PLPP1: variants seen among roughly 807,000 people sequenced by gnomAD.
The protein encoded by PLPP1 is phospholipid phosphatase 1.
In PLPP1, 24 loss-of-function variants were observed where a neutral mutation model predicts 31.2. That is an observed-to-expected ratio of 0.77 (90% CI 0.56 to 1.08). The LOEUF (loss-of-function observed/expected upper bound fraction) is 1.08, where lower values mean the gene tolerates loss of function less well. PLPP1 is among the 50% of genes least tolerant of loss of function. The pLI is 0.00. For missense variants in PLPP1, 319 were observed against 342.7 expected (o/e 0.93, Z 0.55); for synonymous variants, 146 against 126.3 (o/e 1.16, Z -1.05).
intron 1 of PLPP1, among the ~76,000 whole-genome samples, chr5:55,518,998 C>A (rs1214467487): frequency 6.6e-6 from 1 of 151,992 alleles, no homozygotes; most frequent in East Asian, 1.9e-4. Context: ...ATAAAGGGTT[C>A]AAACTAATTG....
At chr5:55,514,638 T>C (rs75567174) in intron 1 of PLPP1, among the ~76,000 whole-genome samples, 17,710 of 152,246 alleles carry the variant, frequency 0.12, 1,084 homozygotes, top group Middle Eastern at 0.16. Flanking sequence ...CAAATTGGCA[T>C]ATCTAAATTA....
intron 4 of PLPP1, among the ~76,000 whole-genome samples, chr5:55,427,636 C>A (rs230745): frequency 6.6e-6 from 1 of 152,052 alleles, no homozygotes; most frequent in Non-Finnish European, 1.5e-5. Context: ...CCATTCTAAA[C>A]AACCCTGACT....
At chr5:55,449,695 C>T (rs1412061819) in intron 3 of PLPP1, among the ~76,000 whole-genome samples, 1 of 151,814 alleles carries the variant, frequency 6.6e-6, no homozygotes, top group Non-Finnish European at 1.5e-5. Flanking sequence ...AGTCAAATTA[C>T]AACATGAGGC....
intron 3 of PLPP1, among the ~76,000 whole-genome samples, chr5:55,447,401 A>G (rs990167917): frequency 2.0e-5 from 3 of 152,218 alleles, no homozygotes; most frequent in Non-Finnish European, 4.4e-5. Context: ...TCCCCTAAAA[A>G]TCATCCTGAA....
chr5:55,443,192 A>AAATATATATATATATATATATAT, intron 3 of PLPP1, among the ~76,000 whole-genome samples: 1 of 25,416 alleles, frequency 3.9e-5, no homozygotes, highest in African/African-American at 1.1e-4. Context: ...AAAAAAAAAA[A>AAATATATATATATATATATATAT]ATATATATAT....
chr5:55,445,535 C>CTTTT (rs753276317), intron 3 of PLPP1, among the ~76,000 whole-genome samples: 1 of 79,622 alleles, frequency 1.3e-5, no homozygotes, highest in Non-Finnish European at 2.3e-5. Flanking sequence ...TGCATTCACT[C>CTTTT]TTTTTTTTTT....
intron 4 of PLPP1, among the ~76,000 whole-genome samples, chr5:55,436,463 C>T (rs1193178990): frequency 1.3e-5 from 2 of 152,184 alleles, no homozygotes; most frequent in Admixed American, 6.5e-5. Flanking sequence ...TCTTGCCTTC[C>T]GCCATGCTTG....
At chr5:55,530,696 T>G (rs1352352779) in intron 1 of PLPP1, 1 of 1,582,516 alleles carries the variant, frequency 6.3e-7, no homozygotes, top group Non-Finnish European at 8.7e-7. Context: ...CAGGGCATGC[T>G]CTCTCTTCTA....
chr5:55,517,796 C>T (rs538075669), intron 1 of PLPP1, among the ~76,000 whole-genome samples: 1 of 152,214 alleles, frequency 6.6e-6, no homozygotes, highest in African/African-American at 2.4e-5. Flanking sequence ...GCCTCATTCT[C>T]TTCAGAAGTG....
chr5:55,451,942 ACATTT>A (rs1751903761), intron 3 of PLPP1, among the ~76,000 whole-genome samples: 1 of 152,178 alleles, frequency 6.6e-6, no homozygotes, highest in African/African-American at 2.4e-5. Flanking sequence ...TTATCGTACA[ACATTT>A]AGGTGCCCAT....
At chr5:55,465,633 T>G (rs1752273920) in intron 3 of PLPP1, among the ~76,000 whole-genome samples, 1 of 152,228 alleles carries the variant, frequency 6.6e-6, no homozygotes, top group Admixed American at 6.5e-5. Flanking sequence ...CTGGGCCACA[T>G]GTGGGCCACA....
intron 1 of PLPP1, among the ~76,000 whole-genome samples, chr5:55,508,466 G>A (rs1475875108): frequency 6.6e-6 from 1 of 152,156 alleles, no homozygotes; most frequent in Non-Finnish European, 1.5e-5. Context: ...AAGTACTTAA[G>A]TCATTGCCTA....
intron 3 of PLPP1, among the ~76,000 whole-genome samples, chr5:55,457,406 G>A (rs892006071): frequency 1.3e-5 from 2 of 152,012 alleles, no homozygotes; most frequent in Non-Finnish European, 2.9e-5. Context: ...TATACACCAG[G>A]AAGAGACAGT....
intron 3 of PLPP1, among the ~76,000 whole-genome samples, chr5:55,452,264 C>T (rs1256540362): frequency 6.6e-6 from 1 of 152,154 alleles, no homozygotes; most frequent in Non-Finnish European, 1.5e-5. Context: ...GTGCCATCCC[C>T]TTGGTGATGA....
chr5:55,482,112 T>A (rs1301072643), intron 1 of PLPP1, among the ~76,000 whole-genome samples: 1 of 147,736 alleles, frequency 6.8e-6, no homozygotes, highest in East Asian at 1.9e-4. Context: ...TATTTAAGTA[T>A]TATATTTAAA....
intron 1 of PLPP1, among the ~76,000 whole-genome samples, chr5:55,491,282 G>C (rs1464773522): frequency 6.6e-6 from 1 of 152,080 alleles, no homozygotes; most frequent in Non-Finnish European, 1.5e-5. Context: ...AGCATCATTT[G>C]CTTGTCCATA....
At chr5:55,451,572 C>CT (rs1179758137) in intron 3 of PLPP1, among the ~76,000 whole-genome samples, 2 of 107,246 alleles carry the variant, frequency 1.9e-5, no homozygotes, top group African/African-American at 3.4e-5. Context: ...TTTTTTTTTT[C>CT]TTTTTTTGAG....
In PLPP1 at chr5:55,468,119, A is replaced by G. The variant is rs1227345202; in HGVS notation, c.241T>C (p.Cys81Arg). The G allele has an allele frequency of 1.9e-6, 3 of 1,608,620 alleles. No homozygotes were observed. Among genetic ancestry groups the G allele is most frequent in the South Asian group, 1.1e-5 (1 of 90,144 alleles). Residue 81 changes from cysteine to arginine, a missense_variant, in exon 3 of 6, where the codon TGT becomes CGT. By Grantham distance (180) the Cys-to-Arg change is radical (BLOSUM62 -3). Coordinates refer to ENST00000307259, the MANE Select transcript of PLPP1 (RefSeq NM_003711.4). ...AAGGAATTTGAGTGCAAAAGGTTAC[A>G]GTAAACAGACAGGGTTTCTCCAAGA... ...IILGETLSVY[C>R]NLLHSNSFIR...
rs1752056450 is a variant in PLPP1, at chr5:55,457,887, T to TG, written c.491+9981_491+9982insC. On this transcript the variant is annotated intron_variant, in intron 3 of 5. Transcript: ENST00000307259. ...CTGGGTGACACAGCGAGACTCTGTC[T>TG]CAAAAAAAAAAAAAAATCATTTACA... 7.7e-4 allele frequency among the ~76,000 whole-genome samples: 31 copies of TG among 40,492 alleles called. No homozygotes were observed. In the South Asian group the frequency reaches 0.028, roughly 37 times the overall value. 26.6% of individuals were successfully genotyped at this position (40,492 alleles called of 152,430 possible). A position where few individuals can be genotyped will look rare whatever the true frequency, so the allele number is the denominator to read the frequency against.
Sources: gnomAD v4.1 joint callset for allele counts (sites outside exome capture counted in the v4.1 genomes callset) on GRCh38, gnomAD v4.1.1 for gene constraint, MANE v1.5 for transcripts, NCBI Gene and HGNC (gene_info 2026-07-23, HGNC 2026-07-21) for gene names.